CELF2: variants seen among roughly 807,000 people sequenced by gnomAD.
CELF2 encodes the protein CUGBP Elav-like family member 2, also known as CUG triplet repeat RNA-binding protein 2.
A neutral mutation model predicts 62.6 loss-of-function variants in CELF2; 8 were observed. That is an observed-to-expected ratio of 0.13 (90% CI 0.07 to 0.23). The LOEUF (loss-of-function observed/expected upper bound fraction) is 0.23, where lower values mean the gene tolerates loss of function less well. Among genes scored for constraint, CELF2 ranks in the 10% least tolerant of loss-of-function variants. CELF2 has a pLI of 1.00. For missense variants in CELF2, 333 were observed against 671.0 expected, an observed-to-expected ratio of 0.50 and a Z score of 5.56; for synonymous variants, 258 against 250.0, an observed-to-expected ratio of 1.03 and a Z score of -0.30.
chr10:11,079,581 C>T (rs1203131784), intron 1 of CELF2, among the ~76,000 whole-genome samples: 6 of 152,162 alleles, frequency 3.9e-5, no homozygotes, highest in Non-Finnish European at 7.4e-5. Flanking sequence ...ACTTGGCATT[C>T]ATTCTCACTC....
the CELF2 span, among the ~76,000 whole-genome samples, chr10:10,781,522 C>A: frequency 6.6e-6 from 1 of 152,156 alleles, no homozygotes; most frequent in Non-Finnish European, 1.5e-5. Context: ...TGCAGGGGAA[C>A]TGCCCTTTAT....
intron 1 of CELF2, among the ~76,000 whole-genome samples, chr10:11,038,753 C>T (rs1000815053): frequency 6.6e-6 from 1 of 152,084 alleles, no homozygotes; most frequent in Non-Finnish European, 1.5e-5. Flanking sequence ...TTAAATGGTG[C>T]TCTAACATTA....
the CELF2 span, among the ~76,000 whole-genome samples, chr10:10,692,369 T>A: frequency 6.6e-6 from 1 of 151,384 alleles, no homozygotes. Context: ...TTGATCTATA[T>A]CTCTGTTTTG....
chr10:11,184,626 G>C (rs934169840), intron 2 of CELF2, among the ~76,000 whole-genome samples: 1 of 152,148 alleles, frequency 6.6e-6, no homozygotes, highest in African/African-American at 2.4e-5. Context: ...TCCCTAGTCA[G>C]ATTTATCCCT....
chr10:10,940,666 C>T (rs562634719), intron 2 of CELF2, among the ~76,000 whole-genome samples: 2 of 152,168 alleles, frequency 1.3e-5, no homozygotes, highest in African/African-American at 2.4e-5. Context: ...GATTGCTTTC[C>T]TTTATTATTC....
intron 1 of CELF2, among the ~76,000 whole-genome samples, chr10:11,029,955 C>G (rs1385501170): frequency 6.6e-6 from 1 of 152,188 alleles, no homozygotes; most frequent in Non-Finnish European, 1.5e-5. Flanking sequence ...TATCTTGCCT[C>G]TCTCTCAGTC....
chr10:10,673,527 A>G, the CELF2 span, among the ~76,000 whole-genome samples: 3 of 151,918 alleles, frequency 2.0e-5, no homozygotes, highest in African/African-American at 4.8e-5. Context: ...TCTATTTTCA[A>G]TTTCATTGAC....
rs190593424 is a variant in CELF2, at chr10:10,963,940, G to A, written c.89+43941G>A. Among the ~76,000 whole-genome samples the A allele has an allele frequency of 7.9e-5, 12 of 152,150 alleles. 1 individual carries two copies. In the South Asian group the frequency reaches 8.3e-4, roughly 11 times the overall value. On this transcript the variant is annotated intron_variant, in intron 2 of 13. Coordinates refer to the CELF2 transcript ENST00000636488. ...CTGAGTTCTCTCCATATTCACAGCC[G>A]TCTAAAAAGATTCAGAAGGATTCTT...
rs576287901 is a variant in CELF2, at chr10:10,843,870, C to T, written c.53+45053C>T. Among the ~76,000 whole-genome samples the T allele has an allele frequency of 4.6e-5, 7 of 151,986 alleles. No homozygotes were observed. In the South Asian group the frequency reaches 6.2e-4, roughly 14 times the overall value. On this transcript the variant is annotated intron_variant, in intron 1 of 13. Transcript: ENST00000636488. ...TTATGAAAGTGGGTATCCTTGAAAACGGATGGTAGTAAATGTCTTAGAATT... is the reference window on the plus strand; with the variant it reads ...TTATGAAAGTGGGTATCCTTGAAAATGGATGGTAGTAAATGTCTTAGAATT...
intron 9 of CELF2, among the ~76,000 whole-genome samples, chr10:11,301,189 A>G (rs990190434): frequency 2.6e-5 from 4 of 152,040 alleles, no homozygotes; most frequent in Non-Finnish European, 5.9e-5. Context: ...TAAGCCCCTC[A>G]TTGCTGTTTT....
At chr10:10,598,747 C>CTTTTTTTTTTTTT in the CELF2 span, among the ~76,000 whole-genome samples, 5 of 73,174 alleles carry the variant, frequency 6.8e-5, no homozygotes, top group Non-Finnish European at 1.3e-4. Flanking sequence ...TTTTCTTTTT[C>CTTTTTTTTTTTTT]TTTCTTTTTT....
In CELF2 at chr10:11,039,113, C is replaced by T. The variant is rs963150317; in HGVS notation, c.74+20950C>T. Among the ~76,000 whole-genome samples, 3 of 152,168 alleles carry T rather than the reference C, an allele frequency of 2.0e-5. No homozygotes were observed. Among genetic ancestry groups the T allele is most frequent in the African/African-American group, 4.8e-5 (2 of 41,442 alleles). ...TCTCATGGCATCGACCATGTAACGGCGATAACAGCCGAGTCCTGTGTCAGC... is the reference window on the plus strand; with the variant it reads ...TCTCATGGCATCGACCATGTAACGGTGATAACAGCCGAGTCCTGTGTCAGC... On this transcript the variant is annotated intron_variant, in intron 1 of 12. Coordinates refer to ENST00000633077, the MANE Select transcript of CELF2 (RefSeq NM_001326342.2). The surrounding 1 kb of genome is among the most constrained non-coding windows in gnomAD (Gnocchi z 4.1).
chr10:10,993,347 G>T lies in CELF2; in HGVS notation c.89+73348G>T, dbSNP rs2053627099. ...AAGCCATCACAAGAGGCATCTAATTGAAGCTACTAGAAAGAGTAAATTGGG... is the reference window on the plus strand; with the variant it reads ...AAGCCATCACAAGAGGCATCTAATTTAAGCTACTAGAAAGAGTAAATTGGG... On this transcript the variant is annotated intron_variant, in intron 2 of 13. Coordinates refer to the CELF2 transcript ENST00000636488. This position sits in a 1 kb window ranked among gnomAD's most constrained non-coding sequence, Gnocchi z 5.3. Among the ~76,000 whole-genome samples, 1 of 152,122 alleles carries T rather than the reference G, an allele frequency of 6.6e-6. No homozygotes were observed. The highest frequency in any genetic ancestry group is 2.1e-4 in the South Asian group (1 of 4,836).
At chr10:11,088,749 T>C (rs1184786370) in intron 1 of CELF2, among the ~76,000 whole-genome samples, 1 of 152,218 alleles carries the variant, frequency 6.6e-6, no homozygotes, top group Non-Finnish European at 1.5e-5. Context: ...GTCAGGAGTT[T>C]GGACAGGGCA....
At chr10:10,602,883 A>G in the CELF2 span, among the ~76,000 whole-genome samples, 2 of 152,154 alleles carry the variant, frequency 1.3e-5, no homozygotes, top group Non-Finnish European at 2.9e-5. Context: ...TCATGGGTGT[A>G]TAATTCACAT....
At chr10:10,747,203 A>G in the CELF2 span, among the ~76,000 whole-genome samples, 1 of 152,208 alleles carries the variant, frequency 6.6e-6, no homozygotes, top group Admixed American at 6.5e-5. Flanking sequence ...AGGCTGTTCT[A>G]AAGAAATCAT....
At chr10:10,655,781 C>G in the CELF2 span, among the ~76,000 whole-genome samples, 1 of 134,454 alleles carries the variant, frequency 7.4e-6, no homozygotes, top group African/African-American at 2.7e-5. Flanking sequence ...AGAAGAAAAC[C>G]TAGGCATTAC....
rs890441682 is a variant in CELF2, at chr10:11,297,559, G to A, written c.976+9007G>A. Among the ~76,000 whole-genome samples, 3 of 152,190 alleles carry A rather than the reference G, an allele frequency of 2.0e-5. No homozygotes were observed. Among genetic ancestry groups the A allele is most frequent in the African/African-American group, 7.2e-5 (3 of 41,450 alleles). On this transcript the variant is annotated intron_variant, in intron 9 of 12. Transcript: ENST00000633077. The surrounding 1 kb of genome is among the most constrained non-coding windows in gnomAD (Gnocchi z 4.4). The stretch of plus-strand genomic sequence containing the variant: ...GCAGAAAGAGCTGACTGAAGTTTGA[G>A]TTGGGGAGTGGGTTCTCCCCAGACT...
rs149791916 is a variant in CELF2 at position 11,247,730 on chromosome 10, C to T, written c.355-1423C>T. The stretch of plus-strand genomic sequence containing the variant: ...GTTTGCTCCATACCTGCTGGACAAC[C>T]AGACAGATGCATGCTGGGAGGATCG... On this transcript the variant is annotated intron_variant, in intron 3 of 12. Coordinates refer to ENST00000633077, the MANE Select transcript of CELF2 (RefSeq NM_001326342.2). The surrounding 1 kb of genome is among the most constrained non-coding windows in gnomAD (Gnocchi z 5.4). 5.1e-4 allele frequency among the ~76,000 whole-genome samples: 78 copies of T among 152,312 alleles called. No homozygotes were observed. Among genetic ancestry groups the T allele is most frequent in the African/African-American group, 1.9e-3 (77 of 41,564 alleles).
Sources: allele counts gnomAD v4.1 joint callset (sites outside exome capture counted in the v4.1 genomes callset), GRCh38; gene constraint gnomAD v4.1.1; non-coding constraint Gnocchi (gnomAD v3.1); transcripts MANE v1.5; gene names NCBI Gene and HGNC (gene_info 2026-07-23, HGNC 2026-07-21).